Variants in RASA1 observed in about 807,000 individuals in gnomAD.
RASA1 encodes ras GTPase-activating protein 1.
RASA1 carries 25 observed loss-of-function variants against 132.2 expected under a neutral mutation model. That is an observed-to-expected ratio of 0.19 (90% confidence interval 0.14 to 0.26). The LOEUF (loss-of-function observed/expected upper bound fraction) is 0.26. Among genes scored for constraint, RASA1 ranks in the 10% least tolerant of loss-of-function variants. RASA1 has a pLI of 1.00. For missense variants in RASA1, 964 were observed against 1,299.2 expected, an observed-to-expected ratio of 0.74 and a Z score of 3.97; for synonymous variants, 477 against 449.9, an observed-to-expected ratio of 1.06 and a Z score of -0.76.
chr5:87,335,448 A>G (rs1302986345), intron 4 of RASA1, among the ~76,000 whole-genome samples: 58 of 77,222 alleles, frequency 7.5e-4, no homozygotes, highest in Non-Finnish European at 1.2e-3. Context: ...TTTTTTTGTG[A>G]CAGTTTCGCT....
chr5:87,308,170 C>T (rs958293731), intron 1 of RASA1, among the ~76,000 whole-genome samples: 1 of 151,798 alleles, frequency 6.6e-6, no homozygotes, highest in Non-Finnish European at 1.5e-5. Context: ...GTTGAAAGTT[C>T]TGCTGGATTG....
At position 87,338,536 on chromosome 5, in the gene RASA1, A is replaced by ATATATATATATATT; in HGVS notation, c.1017+446_1017+447insATATATATATATTT. Among the ~76,000 whole-genome samples, 258 of 85,126 alleles carry ATATATATATATATT rather than the reference A, an allele frequency of 3.0e-3. 4 individuals are homozygous for ATATATATATATATT. The highest frequency in any genetic ancestry group is 4.5e-3 in the Non-Finnish European group (192 of 43,074). 55.8% of individuals were successfully genotyped at this position (85,126 alleles called of 152,430 possible). A position where few individuals can be genotyped will look rare whatever the true frequency, so the allele number is the denominator to read the frequency against. ...ATATATATATATATATATATATAAA[A>ATATATATATATATT]TTTTTTTTTTTTTTAAGTAGAAATG... On this transcript the variant is annotated intron_variant, in intron 5 of 24. Transcript: ENST00000274376.
intron 1 of RASA1, among the ~76,000 whole-genome samples, chr5:87,297,338 A>G (rs973641760): frequency 1.3e-5 from 2 of 150,944 alleles, no homozygotes; most frequent in South Asian, 2.1e-4. Flanking sequence ...TGAAAGGTAT[A>G]CATGATGTAC....
At chr5:87,360,227 A>C (rs989556121) in intron 9 of RASA1, among the ~76,000 whole-genome samples, 1 of 151,658 alleles carries the variant, frequency 6.6e-6, no homozygotes, top group Non-Finnish European at 1.5e-5. Flanking sequence ...CCTGGGTTCA[A>C]GCGATTCTCC....
chr5:87,294,932 C>T (rs1388601088), intron 1 of RASA1, among the ~76,000 whole-genome samples: 1 of 152,160 alleles, frequency 6.6e-6, no homozygotes, highest in East Asian at 1.9e-4. Context: ...CTGCCCATTC[C>T]TGATAGAGCC....
At chr5:87,323,903 ATCC>A (rs1264301097) in intron 1 of RASA1, among the ~76,000 whole-genome samples, 1 of 152,116 alleles carries the variant, frequency 6.6e-6, no homozygotes, top group Non-Finnish European at 1.5e-5. Flanking sequence ...ATCCCTGTGT[ATCC>A]TCCTACTTAC....
chr5:87,316,429 TG>T (rs1165582945), intron 1 of RASA1, among the ~76,000 whole-genome samples: 1 of 152,246 alleles, frequency 6.6e-6, no homozygotes, highest in Non-Finnish European at 1.5e-5. Context: ...AACAGTTAAA[TG>T]GACAATCACA....
At chr5:87,330,926 A>G (rs555579470) in intron 1 of RASA1, 2 of 1,393,398 alleles carry the variant, frequency 1.4e-6, no homozygotes, top group South Asian at 1.6e-5. Context: ...AAAACATTTT[A>G]TATTCTCATA....
chr5:87,273,918 G>A (rs1194094306), intron 1 of RASA1, among the ~76,000 whole-genome samples: 1 of 152,036 alleles, frequency 6.6e-6, no homozygotes, highest in African/African-American at 2.4e-5. Context: ...GGCTGGTCTC[G>A]AACTCCTAAC....
At chr5:87,374,784 T>C (rs1337476986) in intron 14 of RASA1, 56 bp from the exon 15 acceptor site, 2 of 1,597,956 alleles carry the variant, frequency 1.3e-6, no homozygotes, top group African/African-American at 2.7e-5. Flanking sequence ...ACTAAAGAAA[T>C]AAGGTAGTTT....
intron 15 of RASA1, 24 bp from the exon 16 acceptor site, chr5:87,376,369 T>C: frequency 6.2e-7 from 1 of 1,613,036 alleles, no homozygotes; most frequent in Non-Finnish European, 8.5e-7. Flanking sequence ...TTTTAAACAA[T>C]AATTGCTTGT....
At chr5:87,332,778 T>C (rs888469237) in intron 3 of RASA1, 136 bp downstream of exon 3, 1 of 918,422 alleles carries the variant, frequency 1.1e-6, no homozygotes. Context: ...CGGGTTATAA[T>C]GTCAGAACAA....
Position 87,268,449 on chromosome 5 carries a change from A to T in RASA1, c.-3A>T. 6.5e-7 allele frequency: 1 copy of T among 1,544,762 alleles called. No individual in the cohort carries two copies. The highest frequency in any genetic ancestry group is 2.4e-5 in the East Asian group (1 of 40,904). On this transcript the variant is annotated 5_prime_UTR_variant, in exon 1 of 25. Transcript: ENST00000274376. ...GGTAGGGCAGAGTAGAGCGGGCTTC[A>T]ACATGATGGCGGCCGAGGCCGGCAG...
intron 6 of RASA1, 131 bp from the exon 7 acceptor site, chr5:87,346,541 T>G: frequency 3.8e-6 from 2 of 528,596 alleles, no homozygotes; most frequent in South Asian, 2.7e-5. Flanking sequence ...GTAATAAGAA[T>G]GAGATGATTT....
intron 1 of RASA1, among the ~76,000 whole-genome samples, chr5:87,327,943 G>C (rs1204805397): frequency 1.3e-5 from 2 of 151,314 alleles, no homozygotes; most frequent in African/African-American, 4.9e-5. Context: ...CCCCAACCTG[G>C]GTAACAGAGC....
intron 11 of RASA1, among the ~76,000 whole-genome samples, chr5:87,366,663 T>C (rs902405337): frequency 6.6e-6 from 1 of 152,244 alleles, no homozygotes; most frequent in African/African-American, 2.4e-5. Context: ...TATTTAATGA[T>C]ACCAGGTCTG....
chr5:87,276,357 A>G (rs548534435), intron 1 of RASA1, among the ~76,000 whole-genome samples: 1 of 152,328 alleles, frequency 6.6e-6, no homozygotes, highest in East Asian at 1.9e-4. Flanking sequence ...AATCACTGGC[A>G]GTACATTTCA....
In RASA1 at chr5:87,338,529, A is replaced by T. The variant is rs1203564688; in HGVS notation, c.1017+438A>T. Among the ~76,000 whole-genome samples, 159 of 92,366 alleles carry T rather than the reference A, an allele frequency of 1.7e-3. 3 individuals are homozygous for T. Among genetic ancestry groups the T allele is most frequent in the African/African-American group, 6.1e-3 (136 of 22,264 alleles). 60.6% of individuals were successfully genotyped at this position (92,366 alleles called of 152,430 possible). A position where few individuals can be genotyped will look rare whatever the true frequency, so the allele number is the denominator to read the frequency against. Reference sequence around the variant, plus strand: ...TATATATATATATATATATATATATATATAAAATTTTTTTTTTTTTTAAGT... The same window carrying T: ...TATATATATATATATATATATATATTTATAAAATTTTTTTTTTTTTTAAGT... On this transcript the variant is annotated intron_variant, in intron 5 of 24. Coordinates refer to ENST00000274376, the MANE Select transcript of RASA1 (RefSeq NM_002890.3).
At chr5:87,313,367 G>A (rs1266649230) in intron 1 of RASA1, among the ~76,000 whole-genome samples, 1 of 152,154 alleles carries the variant, frequency 6.6e-6, no homozygotes, top group Non-Finnish European at 1.5e-5. Context: ...CAAATAGTTT[G>A]GAAGCCGGGC....
Sources: allele counts gnomAD v4.1 joint callset (sites outside exome capture counted in the v4.1 genomes callset), GRCh38; gene constraint gnomAD v4.1.1; transcripts MANE v1.5; gene names NCBI Gene and HGNC (gene_info 2026-07-23, HGNC 2026-07-21).